The following DCAF6 variants were observed in gnomAD, a reference collection of about 807,000 sequenced individuals.
The protein encoded by DCAF6 is DDB1- and CUL4-associated factor 6.
A neutral mutation model predicts 125.1 loss-of-function variants in DCAF6; 54 were observed. The observed-to-expected ratio is 0.43, with a 90% confidence interval of 0.35 to 0.54. The LOEUF (loss-of-function observed/expected upper bound fraction) is 0.54. Among genes scored for constraint, DCAF6 ranks in the 20% least tolerant of loss-of-function variants. The pLI is 0.01. For missense variants in DCAF6, 934 were observed against 1,161.7 expected (o/e 0.80, Z 2.85); for synonymous variants, 371 against 390.4 (o/e 0.95, Z 0.58).
At chr1:167,864,767 TTTG>T in the DCAF6 span, among the ~76,000 whole-genome samples, 1 of 152,206 alleles carries the variant, frequency 6.6e-6, no homozygotes, top group Non-Finnish European at 1.5e-5. Context: ...CTAATACCAC[TTTG>T]TTGTTAGTGT....
intron 17 of DCAF6, among the ~76,000 whole-genome samples, chr1:168,061,594 C>T (rs1254456778): frequency 6.6e-6 from 1 of 152,022 alleles, no homozygotes; most frequent in Non-Finnish European, 1.5e-5. Context: ...ATTTATTTAA[C>T]CTATTCTTTC....
At chr1:168,005,074 A>C (rs1683166270) in intron 10 of DCAF6, among the ~76,000 whole-genome samples, 1 of 152,170 alleles carries the variant, frequency 6.6e-6, no homozygotes, top group African/African-American at 2.4e-5. Flanking sequence ...TGCCTGACTT[A>C]AATATTATTT....
At chr1:167,899,246 G>C in the DCAF6 span, among the ~76,000 whole-genome samples, 1 of 152,152 alleles carries the variant, frequency 6.6e-6, no homozygotes, top group Non-Finnish European at 1.5e-5. Flanking sequence ...TCACCAGCCT[G>C]GGCTCCTCCC....
At position 167,936,988 on chromosome 1, in the gene DCAF6, G is replaced by A; in HGVS notation, c.77G>A (p.Arg26Gln). Reference sequence around the variant, plus strand: ...TCCCTCGGGCTGGAGGACCCGTCCCGGCTGCGGAGTCGCTACCTGGGTGAG... The same window carrying A: ...TCCCTCGGGCTGGAGGACCCGTCCCAGCTGCGGAGTCGCTACCTGGGTGAG... ...KRSLGLEDPS[R>Q]LRSRYLGRRE... Residue 26 changes from arginine to glutamine, a missense_variant, in exon 1 of 22, where the codon CGG (arginine) becomes CAG (glutamine). Around this residue, in one of 5 missense-constraint regions of DCAF6, gnomAD observed 309 missense variants for 381.2 expected, o/e 0.81. Transcript: ENST00000367840. The A allele has an allele frequency of 1.2e-6, 2 of 1,610,450 alleles. No individual in the cohort carries two copies. Among genetic ancestry groups the A allele is most frequent in the East Asian group, 2.2e-5 (1 of 44,770 alleles).
the DCAF6 span, chr1:167,896,653 A>G: frequency 6.2e-7 from 1 of 1,613,706 alleles, no homozygotes; most frequent in Non-Finnish European, 8.5e-7. Context: ...TGAAAAATTC[A>G]TCAAAATTAA....
chr1:168,073,311 G>GCTTT (rs541775115), intron 21 of DCAF6, among the ~76,000 whole-genome samples: 58 of 152,346 alleles, frequency 3.8e-4, no homozygotes, highest in African/African-American at 1.3e-3. Flanking sequence ...AGTGTTAACT[G>GCTTT]CTTTGCAGCC....
intron 1 of DCAF6, 148 bp downstream of exon 1, chr1:167,937,156 T>A: frequency 3.0e-6 from 2 of 658,098 alleles, no homozygotes; most frequent in Non-Finnish European, 5.3e-6. Flanking sequence ...GGTTGCCGAA[T>A]TCCGTGCCGG....
At chr1:168,036,149 A>G (rs73028104) in intron 12 of DCAF6, among the ~76,000 whole-genome samples, 4,912 of 152,268 alleles carry the variant, frequency 0.032, 197 homozygotes, top group African/African-American at 0.095. Flanking sequence ...CATCTTAGAA[A>G]GCTTCTTGCC....
chr1:167,898,279 T>A, the DCAF6 span, among the ~76,000 whole-genome samples: 1 of 152,036 alleles, frequency 6.6e-6, no homozygotes, highest in African/African-American at 2.4e-5. Context: ...GAATTCAAAG[T>A]TAAAACAATT....
At chr1:167,872,720 T>A in the DCAF6 span, among the ~76,000 whole-genome samples, 1 of 150,272 alleles carries the variant, frequency 6.7e-6, no homozygotes. Context: ...TATGTGGACC[T>A]GATCTTTATG....
chr1:168,015,695 C>T, intron 10 of DCAF6, 86 bp from the exon 11 acceptor site: 13 of 1,194,516 alleles, frequency 1.1e-5, no homozygotes, highest in South Asian at 2.1e-5. Flanking sequence ...TGTTTATATC[C>T]TTCTTCTTTT....
At position 167,987,530 on chromosome 1, in the gene DCAF6, C is replaced by G. The variant is rs749224117; in HGVS notation, c.474C>G (p.Leu158=). 1 of 1,605,306 alleles carries G rather than the reference C, an allele frequency of 6.2e-7. No individual in the cohort carries two copies. The highest frequency in any genetic ancestry group is 1.1e-5 in the South Asian group (1 of 90,616). Residue 158 remains leucine, a synonymous_variant, in exon 5 of 22, where the codon CTC becomes CTG. Transcript: ENST00000367840. ...TACCCAATGACCCTTACACTTTTCTCTCTTGTGGTGAAGATGGAACTGTTA... is the reference window on the plus strand; with the variant it reads ...TACCCAATGACCCTTACACTTTTCTGTCTTGTGGTGAAGATGGAACTGTTA... ...MTVPNDPYTF[L]SCGEDGTVRW...
intron 11 of DCAF6, 102 bp from the exon 12 acceptor site, chr1:168,022,886 C>A: frequency 9.5e-7 from 1 of 1,050,850 alleles, no homozygotes; most frequent in Non-Finnish European, 1.4e-6. Flanking sequence ...ACTTCTATTC[C>A]GCAGCCTTAT....
the DCAF6 span, chr1:167,870,471 A>G: frequency 8.4e-5 from 119 of 1,414,410 alleles, no homozygotes; most frequent in Non-Finnish European, 1.1e-4. Flanking sequence ...CTAGAGATAT[A>G]AAAAGTCACA....
the DCAF6 span, among the ~76,000 whole-genome samples, chr1:167,914,460 A>T: frequency 1.8e-4 from 28 of 152,244 alleles, no homozygotes; most frequent in African/African-American, 6.5e-4. Context: ...TAGTGGTTAC[A>T]GCTTGTACCA....
chr1:168,029,878 G>T (rs1231015358), intron 12 of DCAF6, among the ~76,000 whole-genome samples: 1 of 152,046 alleles, frequency 6.6e-6, no homozygotes, highest in Non-Finnish European at 1.5e-5. Context: ...TACTTGGGAG[G>T]CTGAGGTGGG....
chr1:167,975,863 C>T (rs1382368095), intron 4 of DCAF6, among the ~76,000 whole-genome samples: 3 of 152,136 alleles, frequency 2.0e-5, no homozygotes, highest in African/African-American at 4.8e-5. Context: ...CCAGAGTGTT[C>T]TTCTGAAATA....
intron 12 of DCAF6, among the ~76,000 whole-genome samples, chr1:168,034,891 G>A (rs1265244345): frequency 6.6e-6 from 1 of 152,032 alleles, no homozygotes; most frequent in East Asian, 1.9e-4. Flanking sequence ...CATTTAAATA[G>A]TTACAATTTT....
intron 3 of DCAF6, among the ~76,000 whole-genome samples, chr1:167,968,321 C>T (rs1676759072): frequency 6.6e-6 from 1 of 152,102 alleles, no homozygotes; most frequent in Non-Finnish European, 1.5e-5. Flanking sequence ...AACCCTGGGA[C>T]TGAGATAAAC....
Sources: gnomAD v4.1 joint callset for allele counts (sites outside exome capture counted in the v4.1 genomes callset) on GRCh38, gnomAD v4.1.1 for gene constraint, gnomAD v4.1.1 regional missense constraint, MANE v1.5 for transcripts, NCBI Gene and HGNC (gene_info 2026-07-23, HGNC 2026-07-21) for gene names.